Variants in SBF1 observed in about 807,000 individuals in gnomAD.
SBF1 encodes the protein myotubularin-related protein 5.
A neutral mutation model predicts 215.8 loss-of-function variants in SBF1; 65 were observed. That is an observed-to-expected ratio of 0.30 (90% confidence interval 0.25 to 0.37). The LOEUF is 0.37. SBF1 is among the 10% of genes least tolerant of loss of function. SBF1 has a pLI of 1.00. For missense variants in SBF1, 2,634 were observed against 2,667.8 expected (o/e 0.99, Z 0.28); for synonymous variants, 1,410 against 1,122.8 (o/e 1.26, Z -5.11).
At chr22:50,457,007 C>T (rs150239952) in intron 29 of SBF1, 27 bp downstream of exon 29, 7 of 1,403,142 alleles carry the variant, frequency 5.0e-6, no homozygotes, top group South Asian at 3.2e-5. Context: ...TAAGGGGAGG[C>T]GGGCCTGCGC....
In SBF1 at chr22:50,467,674, T is replaced by G. The variant is rs148021361; in HGVS notation, c.296A>C (p.Glu99Ala). Reference protein sequence around the residue: ...AEPSQETTRVEDATEREEEGD... With the variant: ...AEPSQETTRVADATEREEEGD... ...CTCTTCCTCCCTCTCTGTGGCATCC[T>G]CCACGCGCGTCGTTTCCTGCTGGGG... Residue 99 changes from glutamate (E) to alanine (A), a missense_variant, in exon 4 of 41, where the codon GAG becomes GCG. Glu to Ala is a moderately radical substitution (Grantham distance 107). Transcript: ENST00000380817. The G allele has an allele frequency of 1.1e-3, 1,559 of 1,467,008 alleles. 16 individuals are homozygous for G. In the African/African-American group the frequency reaches 0.02, roughly 18 times the overall value. The allele number at this position is 1,467,008 out of a possible 1,614,324, so 90.9% of individuals were successfully genotyped here.
intron 36 of SBF1, among the ~76,000 whole-genome samples, chr22:50,449,621 C>CAA (rs1195040681): frequency 1.0e-4 from 10 of 98,222 alleles, no homozygotes. Context: ...TCTCAAAACA[C>CAA]ACAAACACAC....
At chr22:50,474,000 C>G (rs1301767415) in intron 1 of SBF1, among the ~76,000 whole-genome samples, 1 of 152,216 alleles carries the variant, frequency 6.6e-6, no homozygotes, top group Non-Finnish European at 1.5e-5. Flanking sequence ...CGCTCGCCAA[C>G]GCTGCTGTCT....
At chr22:50,467,718 CA>C (rs746796312) in intron 3 of SBF1, 28 bp from the exon 4 acceptor site, 12 of 1,543,706 alleles carry the variant, frequency 7.8e-6, no homozygotes, top group East Asian at 2.3e-5. Context: ...GAGACGGGGG[CA>C]GGGGGAGTTG....
rs2066765259 is a variant in SBF1 at position 50,445,472 on chromosome 22, C to T, written c.*1670G>A. ...CACCACGGTTGGGGGTGGAGGGAAC[C>T]CGCTCAGCTCCCCAGAGGCCGAGTC... On this transcript the variant is annotated 3_prime_UTR_variant, in exon 41 of 41. Coordinates refer to ENST00000380817, the MANE Select transcript of SBF1 (RefSeq NM_002972.4). 2.0e-5 allele frequency: 3 copies of T among 152,266 alleles called. No individual in the cohort carries two copies. In the South Asian group the frequency reaches 6.2e-4, roughly 31 times the overall value. 9.4% of individuals were successfully genotyped at this position (152,266 alleles called of 1,614,324 possible). A position where few individuals can be genotyped will look rare whatever the true frequency, so the allele number is the denominator to read the frequency against.
At chr22:50,472,007 G>GT (rs1417454139) in intron 1 of SBF1, among the ~76,000 whole-genome samples, 1 of 152,242 alleles carries the variant, frequency 6.6e-6, no homozygotes, top group Non-Finnish European at 1.5e-5. Context: ...CAGATCAAAT[G>GT]TGTCTCCTGT....
At position 50,456,474 on chromosome 22, in the gene SBF1, C is replaced by G; in HGVS notation, c.4086+18G>C. 1 of 1,513,438 alleles carries G rather than the reference C, an allele frequency of 6.6e-7. No individual in the cohort carries two copies. The highest frequency in any genetic ancestry group is 1.4e-5 in the African/African-American group (1 of 71,366). The allele number at this position is 1,513,438 out of a possible 1,614,324, so 93.8% of individuals were successfully genotyped here. A position where few individuals can be genotyped will look rare whatever the true frequency, so the allele number is the denominator to read the frequency against. ...CCGAGCCCCCACCCTCACCCCCCACCCCCCGCACCCCAGTCACCTTGAGCT... is the reference window on the plus strand; with the variant it reads ...CCGAGCCCCCACCCTCACCCCCCACGCCCCGCACCCCAGTCACCTTGAGCT... On this transcript the variant is annotated intron_variant, in intron 30 of 40. Coordinates refer to ENST00000380817, the MANE Select transcript of SBF1 (RefSeq NM_002972.4).
chr22:50,455,956 C>T, intron 31 of SBF1: 2 of 561,212 alleles, frequency 3.6e-6, no homozygotes, highest in South Asian at 2.4e-5. Context: ...CCCGTGTGGT[C>T]ATCAGCCCAC....
chr22:50,459,247 A>G lies in SBF1; in HGVS notation c.3826+8T>C, dbSNP rs769444194. 2 of 1,590,876 alleles carry G rather than the reference A, an allele frequency of 1.3e-6. No homozygotes were observed. Among genetic ancestry groups the G allele is most frequent in the African/African-American group, 2.7e-5 (2 of 74,558 alleles). On this transcript the variant is annotated splice_region_variant and intron_variant, in intron 28 of 40. Transcript: ENST00000380817. ...CCTGCCCCACCGTCTGCCCACAAGCACCCTCACCGTGACTGCCCATGTGGG... is the reference window on the plus strand; with the variant it reads ...CCTGCCCCACCGTCTGCCCACAAGCGCCCTCACCGTGACTGCCCATGTGGG...
chr22:50,457,840 C>G (rs1042895708), intron 28 of SBF1, among the ~76,000 whole-genome samples: 2 of 152,250 alleles, frequency 1.3e-5, no homozygotes, highest in Non-Finnish European at 2.9e-5. Flanking sequence ...CTGAGAGAGG[C>G]AATGTCCCCT....
At position 50,459,983 on chromosome 22, in the gene SBF1, G is replaced by C; in HGVS notation, c.3460C>G (p.Pro1154Ala). The change falls in exon 26 of 41, where the codon CCG becomes GCG. Residue 1154 changes from proline (P) to alanine (A), a missense_variant. Pro to Ala is a conservative substitution (Grantham distance 27). Coordinates refer to ENST00000380817, the MANE Select transcript of SBF1 (RefSeq NM_002972.4). The part of the protein sequence containing the change: ...RAKSEPFRIS[P>A]VNRMYAICRS... ...CAGATGGCATACATGCGGTTGACCG[G>C]AGAAATGCGGAAGGGCTCAGACTTG... The C allele has an allele frequency of 3.7e-6, 6 of 1,613,892 alleles. No homozygotes were observed. The highest frequency in any genetic ancestry group is 5.1e-6 in the Non-Finnish European group (6 of 1,179,954).
rs1020520536 is a variant in SBF1, at chr22:50,455,610, C to T, written c.4267-28G>A. On this transcript the variant is annotated intron_variant, in intron 31 of 40. Coordinates refer to ENST00000380817, the MANE Select transcript of SBF1 (RefSeq NM_002972.4). The stretch of plus-strand genomic sequence containing the variant: ...GCAGGGACAGGCGGCCTCAGCACCT[C>T]GGGGACCCACCGCCCTCCCGCCTGG... 4.0e-5 allele frequency: 62 copies of T among 1,542,814 alleles called. No homozygotes were observed. The Admixed American group carries it at 7.2e-4, about 18-fold the overall frequency.
Position 50,446,873 on chromosome 22 carries a change from G to C in SBF1, c.*269C>G. 1 of 744,344 alleles carries C rather than the reference G, an allele frequency of 1.3e-6. No individual in the cohort carries two copies. The highest frequency in any genetic ancestry group is 2.5e-6 in the Non-Finnish European group (1 of 406,128). 46.1% of individuals were successfully genotyped at this position (744,344 alleles called of 1,614,324 possible). On this transcript the variant is annotated 3_prime_UTR_variant, in exon 41 of 41. Transcript: ENST00000380817. ...TCGCCTGCAGCCGCTGGCTGGACCAGCACACGCTGACGGGGCCGGACTATT... is the reference window on the plus strand; with the variant it reads ...TCGCCTGCAGCCGCTGGCTGGACCACCACACGCTGACGGGGCCGGACTATT...
Position 50,457,036 on chromosome 22 carries a change from C to T in SBF1, c.3902G>A (p.Arg1301Gln), listed in dbSNP as rs760728411. ...AASASRRTAP[R>Q]GKWGSVRTSG... Reference sequence around the variant, plus strand: ...CCTGCGCAGGCTCGGTACGGTACCTCGGGGTGCGGTCCGTCTGGAGGCCGA... The same window carrying T: ...CCTGCGCAGGCTCGGTACGGTACCTTGGGGTGCGGTCCGTCTGGAGGCCGA... Residue 1301 changes from arginine to glutamine, a missense_variant and splice_region_variant, in exon 29 of 41, where the codon CGA (arginine) becomes CAA (glutamine). Transcript: ENST00000380817. 3 of 1,433,092 alleles carry T rather than the reference C, an allele frequency of 2.1e-6. No individual in the cohort carries two copies. The highest frequency in any genetic ancestry group is 1.5e-5 in the African/African-American group (1 of 66,920). 88.8% of individuals were successfully genotyped at this position (1,433,092 alleles called of 1,614,324 possible).
Position 50,459,483 on chromosome 22 carries a change from G to A in SBF1, c.3675C>T (p.Asn1225=), listed in dbSNP as rs370080660. 5.1e-5 allele frequency: 82 copies of A among 1,610,552 alleles called. No individual in the cohort carries two copies. Among genetic ancestry groups the A allele is most frequent in the South Asian group, 1.1e-4 (10 of 91,076 alleles). ...KGVVGLFKAQ[N]APSPGQSQAD... The stretch of plus-strand genomic sequence containing the variant: ...CGCAGGAGGTACCTGGAGAAGGTGC[G>A]TTCTGGGCCTTGAAGAGGCCGACGA... The change falls in exon 27 of 41, where the codon AAC becomes AAT. Residue 1225 remains asparagine, a synonymous_variant. Coordinates refer to ENST00000380817, the MANE Select transcript of SBF1 (RefSeq NM_002972.4).
intron 36 of SBF1, 108 bp from the exon 37 acceptor site, chr22:50,448,758 C>T (rs537310234): frequency 2.8e-5 from 22 of 798,166 alleles, no homozygotes; most frequent in African/African-American, 1.0e-4. Context: ...AGGCCTAACG[C>T]GTGTGTGACT....
In SBF1 at chr22:50,454,751, G is replaced by A. The variant is rs1486019762; in HGVS notation, c.4813-9C>T. 2 of 1,587,268 alleles carry A rather than the reference G, an allele frequency of 1.3e-6. No homozygotes were observed. Among genetic ancestry groups the A allele is most frequent in the Admixed American group, 1.8e-5 (1 of 54,214 alleles). On this transcript the variant is annotated splice_polypyrimidine_tract_variant and intron_variant, in intron 35 of 40. Coordinates refer to ENST00000380817, the MANE Select transcript of SBF1 (RefSeq NM_002972.4). Reference sequence around the variant, plus strand: ...CTGTAGGGCCGCAGGACCTGAGGGTGGGCCTGTGGTTGAGGACCTGGGTCG... The same window carrying A: ...CTGTAGGGCCGCAGGACCTGAGGGTAGGCCTGTGGTTGAGGACCTGGGTCG...
At position 50,446,991 on chromosome 22, in the gene SBF1, G is replaced by C. The variant is rs1285715780; in HGVS notation, c.*151C>G. The C allele has an allele frequency of 2.1e-5, 16 of 752,350 alleles. No homozygotes were observed. The highest frequency in any genetic ancestry group is 3.2e-5 in the Non-Finnish European group (14 of 437,306). The allele number at this position is 752,350 out of a possible 1,614,324, so 46.6% of individuals were successfully genotyped here. ...AGTTAGGGCCGGCCGGGCGGGGCGG[G>C]GCGGGGACGGGGGCTGTACACACAA... On this transcript the variant is annotated 3_prime_UTR_variant, in exon 41 of 41. Coordinates refer to ENST00000380817, the MANE Select transcript of SBF1 (RefSeq NM_002972.4).
intron 36 of SBF1, among the ~76,000 whole-genome samples, chr22:50,449,625 A>AACACACAAACAC (rs2066967372): frequency 6.8e-6 from 1 of 146,856 alleles, no homozygotes; most frequent in East Asian, 2.0e-4. Context: ...AAAACACACA[A>AACACACAAACAC]ACACACACAC....
Sources: allele counts gnomAD v4.1 joint callset (sites outside exome capture counted in the v4.1 genomes callset), GRCh38; gene constraint gnomAD v4.1.1; transcripts MANE v1.5; gene names NCBI Gene and HGNC (gene_info 2026-07-23, HGNC 2026-07-21).